The following NIT2 variants were observed in gnomAD, a reference collection of about 807,000 sequenced individuals.
NIT2 encodes the protein nitrilase family member 2.
In NIT2, 46 loss-of-function variants were observed where a neutral mutation model predicts 42.7. That is an observed-to-expected ratio of 1.08 (90% CI 0.85 to 1.38). NIT2 has a LOEUF of 1.38. Ranked by LOEUF, NIT2 falls within the 40% of genes most tolerant of loss-of-function variation. NIT2 has a pLI of 0.00. For synonymous variants in NIT2, 123 were observed against 121.9 expected (o/e 1.01, Z -0.06); for missense variants, 309 against 342.5 (o/e 0.90, Z 0.77).
chr3:100,340,374 A>G (rs1029789956), intron 3 of NIT2, among the ~76,000 whole-genome samples: 20 of 152,014 alleles, frequency 1.3e-4, no homozygotes, highest in African/African-American at 4.8e-4. Flanking sequence ...ACTGTTTTTT[A>G]CTATACTAAT....
intron 8 of NIT2, among the ~76,000 whole-genome samples, chr3:100,354,285 C>T (rs1706302890): frequency 6.6e-6 from 1 of 152,202 alleles, no homozygotes; most frequent in African/African-American, 2.4e-5. Context: ...GGCAGAGACC[C>T]CAGCAGATCT....
In NIT2 at chr3:100,358,208, T is replaced by A. The variant is rs1366366419; in HGVS notation, c.*2940T>A. 2 of 152,230 alleles carry A rather than the reference T, an allele frequency of 1.3e-5. No homozygotes were observed. Among genetic ancestry groups the A allele is most frequent in the Non-Finnish European group, 2.9e-5 (2 of 68,042 alleles). 9.4% of individuals were successfully genotyped at this position (152,230 alleles called of 1,614,324 possible). On this transcript the variant is annotated 3_prime_UTR_variant, in exon 10 of 10. Coordinates refer to ENST00000394140, the MANE Select transcript of NIT2 (RefSeq NM_020202.5). ...CAACTGAAGTAGGCATCTCCTATAA[T>A]TAGTATGTAGCATTTTATTCTCAGA... is the stretch of plus-strand genomic sequence containing the variant.
intron 3 of NIT2, among the ~76,000 whole-genome samples, chr3:100,340,222 G>A (rs1706133274): frequency 6.6e-6 from 1 of 152,106 alleles, no homozygotes; most frequent in African/African-American, 2.4e-5. Context: ...GCGCCACCAT[G>A]CCTGGCTGAT....
intron 8 of NIT2, among the ~76,000 whole-genome samples, chr3:100,352,949 T>C (rs567194444): frequency 4.9e-4 from 74 of 152,320 alleles, no homozygotes; most frequent in African/African-American, 1.7e-3. Flanking sequence ...TAAGTGAAAC[T>C]ATGACCCTCT....
Position 100,356,892 on chromosome 3 carries a change from C to T in NIT2, c.*1624C>T, listed in dbSNP as rs1706330244. On this transcript the variant is annotated 3_prime_UTR_variant, in exon 10 of 10. Transcript: ENST00000394140. Reference sequence around the variant, plus strand: ...TGCCATTAGTGCTTTTTCTGTATGTCTTCTTTCACTCAAAATCACTTGGAA... The same window carrying T: ...TGCCATTAGTGCTTTTTCTGTATGTTTTCTTTCACTCAAAATCACTTGGAA... The T allele has an allele frequency of 6.6e-6, 1 of 152,106 alleles. No individual in the cohort carries two copies. The highest frequency in any genetic ancestry group is 2.1e-4 in the South Asian group (1 of 4,822). 9.4% of individuals were successfully genotyped at this position (152,106 alleles called of 1,614,324 possible).
Position 100,339,876 on chromosome 3 carries a change from G to A in NIT2, c.188G>A (p.Gly63Asp). 1 of 1,613,504 alleles carries A rather than the reference G, an allele frequency of 6.2e-7. No homozygotes were observed. The highest frequency in any genetic ancestry group is 1.1e-5 in the South Asian group (1 of 91,004). ...CCTGAATATGCAGAGAAAATTCCTG[G>A]TGAATCCACACAGAAGCTTTCTGAA... is the stretch of plus-strand genomic sequence containing the variant. ...YFPEYAEKIP[G>D]ESTQKLSEVA... The change falls in exon 3 of 10, where the codon GGT becomes GAT. Residue 63 changes from glycine (G) to aspartate (D), a missense_variant. Coordinates refer to ENST00000394140, the MANE Select transcript of NIT2 (RefSeq NM_020202.5).
intron 5 of NIT2, 36 bp from the exon 6 acceptor site, chr3:100,346,145 T>C: frequency 6.3e-7 from 1 of 1,578,906 alleles, no homozygotes; most frequent in Non-Finnish European, 8.7e-7. Context: ...TGTAGGGAGT[T>C]AACTTTTCAT....
At chr3:100,347,710 C>T (rs1298489311) in intron 6 of NIT2, among the ~76,000 whole-genome samples, 1 of 152,148 alleles carries the variant, frequency 6.6e-6, no homozygotes, top group Non-Finnish European at 1.5e-5. Context: ...ACCAGTCTGA[C>T]CTTGACCCCA....
At chr3:100,346,333 A>G in intron 6 of NIT2, 78 bp downstream of exon 6, 2 of 1,303,368 alleles carry the variant, frequency 1.5e-6, no homozygotes, top group Non-Finnish European at 1.1e-6. Context: ...ATCCTTAGTC[A>G]AGAAAAGCTG....
chr3:100,336,990 GCGGCCTTCCGC>G (rs1399055333), intron 1 of NIT2, among the ~76,000 whole-genome samples: 7 of 152,232 alleles, frequency 4.6e-5, no homozygotes, highest in Non-Finnish European at 1.0e-4. Flanking sequence ...AGAGGTCCCT[GCGGCCTTCCGC>G]AGTGTTTGTG....
Position 100,361,583 on chromosome 3 carries a change from T to C in NIT2, c.*6315T>C, listed in dbSNP as rs1475954615. The stretch of plus-strand genomic sequence containing the variant: ...GATCTATAGCTGTCAACTCCTAATA[T>C]GATTTGTGCACTATCACCTTGAAGT... On this transcript the variant is annotated 3_prime_UTR_variant, in exon 10 of 10. Transcript: ENST00000394140. The C allele has an allele frequency of 2.0e-5, 3 of 152,210 alleles. No individual in the cohort carries two copies. Among genetic ancestry groups the C allele is most frequent in the African/African-American group, 7.2e-5 (3 of 41,450 alleles). The allele number at this position is 152,210 out of a possible 1,614,324, so 9.4% of individuals were successfully genotyped here.
intron 1 of NIT2, among the ~76,000 whole-genome samples, chr3:100,336,434 GC>G (rs1706072405): frequency 6.6e-6 from 1 of 152,066 alleles, no homozygotes; most frequent in Admixed American, 6.6e-5. Context: ...AAGTAGGGGG[GC>G]CCAGGGGACC....
At position 100,338,991 on chromosome 3, in the gene NIT2, CG is replaced by C. The variant is rs200001603; in HGVS notation, c.8-92del. On this transcript the variant is annotated intron_variant, in intron 1 of 9. Coordinates refer to ENST00000394140, the MANE Select transcript of NIT2 (RefSeq NM_020202.5). The stretch of plus-strand genomic sequence containing the variant: ...CTTCAGACATTGTCAGATGTCCCCC[CG>C]GGGACATAACTGCCTTCCATTTGAG... 5.7e-3 allele frequency: 4,761 copies of C among 842,602 alleles called. 91 individuals carry two copies. Among genetic ancestry groups the C allele is most frequent in the African/African-American group, 0.051 (3,061 of 60,150 alleles). The allele number at this position is 842,602 out of a possible 1,614,324, so 52.2% of individuals were successfully genotyped here.
In NIT2 at chr3:100,346,251, G is replaced by A. The variant is rs1370496303; in HGVS notation, c.501G>A (p.Gln167=). The change falls in exon 6 of 10, where the codon CAG becomes CAA. Residue 167 remains glutamine, a synonymous_variant. Transcript: ENST00000394140. The part of the protein sequence containing the change: ...RFAELAQIYA[Q]RGCQLLVYPG... Reference sequence around the variant, plus strand: ...CAGAGCTTGCACAAATCTACGCACAGAGAGGTGAGGCAGTGTAATAGCTGT... The same window carrying A: ...CAGAGCTTGCACAAATCTACGCACAAAGAGGTGAGGCAGTGTAATAGCTGT... 2 of 1,613,864 alleles carry A rather than the reference G, an allele frequency of 1.2e-6. No individual in the cohort carries two copies. The highest frequency in any genetic ancestry group is 1.7e-5 in the Admixed American group (1 of 59,988).
intron 6 of NIT2, among the ~76,000 whole-genome samples, chr3:100,347,076 TTTG>T (rs776051234): frequency 6.6e-6 from 1 of 152,028 alleles, no homozygotes; most frequent in Non-Finnish European, 1.5e-5. Context: ...CTGAGATAAA[TTTG>T]TTTTTTTTTG....
In NIT2 at chr3:100,355,993, CT is replaced by C. The variant is rs1263844906; in HGVS notation, c.*728del. Reference sequence around the variant, plus strand: ...TCTTTTTTCTTTTTCCCCAGTAACACTTTCTAGCTCCACGGATAAGGAATCA... The same window carrying C: ...TCTTTTTTCTTTTTCCCCAGTAACACTTCTAGCTCCACGGATAAGGAATCA... On this transcript the variant is annotated 3_prime_UTR_variant, in exon 10 of 10. Transcript: ENST00000394140. 1.3e-5 allele frequency: 2 copies of C among 152,162 alleles called. No homozygotes were observed. The highest frequency in any genetic ancestry group is 2.9e-5 in the Non-Finnish European group (2 of 68,038). 9.4% of individuals were successfully genotyped at this position (152,162 alleles called of 1,614,324 possible).
At chr3:100,345,322 A>G (rs149718938) in intron 4 of NIT2, among the ~76,000 whole-genome samples, 210 of 152,304 alleles carry the variant, frequency 1.4e-3, no homozygotes, top group Non-Finnish European at 2.5e-3. Flanking sequence ...GTTACCTCCC[A>G]TGAGAAACCT....
intron 2 of NIT2, 59 bp from the exon 3 acceptor site, chr3:100,339,755 CA>C: frequency 6.5e-7 from 1 of 1,549,144 alleles, no homozygotes; most frequent in Admixed American, 1.8e-5. Context: ...CCTCTTACAG[CA>C]GAACTTTAAA....
intron 7 of NIT2, 65 bp downstream of exon 7, chr3:100,348,946 G>A: frequency 7.1e-7 from 1 of 1,416,888 alleles, no homozygotes; most frequent in Middle Eastern, 2.1e-4. Flanking sequence ...TTTCCGGTTG[G>A]GTGGAGGTGC....
Sources: gnomAD v4.1 joint callset for allele counts (sites outside exome capture counted in the v4.1 genomes callset) on GRCh38, gnomAD v4.1.1 for gene constraint, MANE v1.5 for transcripts, NCBI Gene and HGNC (gene_info 2026-07-23, HGNC 2026-07-21) for gene names.